Variants in FBXO40 observed in about 807,000 individuals in gnomAD.
FBXO40 encodes the protein F-box protein 40, also known as F-box only protein 40.
A neutral mutation model predicts 49.9 loss-of-function variants in FBXO40; 50 were observed. The ratio of observed to expected loss-of-function variants is 1.00; its 90% CI spans 0.80 to 1.27. The LOEUF is 1.27. FBXO40 is among the 50% of genes most tolerant of loss of function. FBXO40 has a pLI of 0.00. For missense variants in FBXO40, 895 were observed against 870.1 expected (o/e 1.03, Z -0.36); for synonymous variants, 340 against 320.2 (o/e 1.06, Z -0.66).
intron 1 of FBXO40, among the ~76,000 whole-genome samples, chr3:121,618,671 T>C (rs567589206): frequency 2.0e-5 from 3 of 152,012 alleles, no homozygotes; most frequent in African/African-American, 7.2e-5. Context: ...GTTGGGGTTA[T>C]AGGCTTGAGC....
intron 1 of FBXO40, among the ~76,000 whole-genome samples, chr3:121,613,018 C>T (rs1326484628): frequency 2.0e-5 from 3 of 149,562 alleles, no homozygotes; most frequent in Middle Eastern, 3.5e-3. Flanking sequence ...TTCAGTGAGC[C>T]GAGATCCAGC....
At chr3:121,615,065 T>A (rs1482525012) in intron 1 of FBXO40, among the ~76,000 whole-genome samples, 1 of 151,570 alleles carries the variant, frequency 6.6e-6, no homozygotes, top group African/African-American at 2.4e-5. Flanking sequence ...GTTTGCTGGG[T>A]GTGGTGGCAT....
chr3:121,607,443 G>A (rs368973808), intron 1 of FBXO40, among the ~76,000 whole-genome samples: 52 of 150,348 alleles, frequency 3.5e-4, no homozygotes, highest in Middle Eastern at 3.4e-3. Flanking sequence ...CCAAGTAGCT[G>A]AGACTACAGG....
chr3:121,626,548 G>C lies in FBXO40; in HGVS notation c.1915-147G>C, dbSNP rs546281519. On this transcript the variant is annotated intron_variant, in intron 3 of 3. Coordinates refer to ENST00000338040, the MANE Select transcript of FBXO40 (RefSeq NM_016298.4). Reference sequence around the variant, plus strand: ...ACTAGGAATTGGATGCTGGAGGAGGGGCTACCAAATGTCTGCAGGAGCCAC... The same window carrying C: ...ACTAGGAATTGGATGCTGGAGGAGGCGCTACCAAATGTCTGCAGGAGCCAC... 9.8e-6 allele frequency: 7 copies of C among 712,292 alleles called. No homozygotes were observed. In the South Asian group the frequency reaches 1.2e-4, roughly 12 times the overall value. 44.1% of individuals were successfully genotyped at this position (712,292 alleles called of 1,614,324 possible). A position where few individuals can be genotyped will look rare whatever the true frequency, so the allele number is the denominator to read the frequency against.
At chr3:121,600,953 T>C (rs1459509885) in intron 1 of FBXO40, among the ~76,000 whole-genome samples, 1 of 152,078 alleles carries the variant, frequency 6.6e-6, no homozygotes, top group Non-Finnish European at 1.5e-5. Context: ...GGAGAACAGG[T>C]CATCTTCTAT....
chr3:121,597,676 T>A (rs1019858858), intron 1 of FBXO40, among the ~76,000 whole-genome samples: 11 of 150,556 alleles, frequency 7.3e-5, no homozygotes, highest in Admixed American at 7.3e-4. Flanking sequence ...TTTTTTTTTT[T>A]TTTGAGACAG....
At position 121,621,684 on chromosome 3, in the gene FBXO40, G is replaced by A; in HGVS notation, c.255G>A (p.Leu85=). The A allele has an allele frequency of 6.2e-7, 1 of 1,614,200 alleles. No individual in the cohort carries two copies. The highest frequency in any genetic ancestry group is 8.5e-7 in the Non-Finnish European group (1 of 1,180,016). The change falls in exon 3 of 4, where the codon CTG becomes CTA. Residue 85 remains leucine (L), a synonymous_variant. Transcript: ENST00000338040. ...CCCGCCACAAACTGGCCAAGCACCTGCAGGTGTGCCCCGCCAGCGTGGTCT... is the reference window on the plus strand; with the variant it reads ...CCCGCCACAAACTGGCCAAGCACCTACAGGTGTGCCCCGCCAGCGTGGTCT... ...SMSRHKLAKH[L]QVCPASVVCC... is the part of the protein sequence containing the mutation.
intron 1 of FBXO40, among the ~76,000 whole-genome samples, chr3:121,613,460 C>T (rs1376511787): frequency 6.6e-6 from 1 of 152,174 alleles, no homozygotes; most frequent in Non-Finnish European, 1.5e-5. Context: ...CCTGACAAAA[C>T]TATTTCAGGG....
At chr3:121,602,244 T>G (rs1229902433) in intron 1 of FBXO40, among the ~76,000 whole-genome samples, 2 of 152,214 alleles carry the variant, frequency 1.3e-5, no homozygotes, top group Admixed American at 6.5e-5. Flanking sequence ...TTCTATTCTG[T>G]TTTTACTTTC....
chr3:121,620,543 T>C lies in FBXO40; in HGVS notation c.-30-3T>C, dbSNP rs1249447156. ...AATTATTTATATTCATATTTTCCCGTAGAGCTAAGAAGCAAGAAGAAATTG... is the reference window on the plus strand; with the variant it reads ...AATTATTTATATTCATATTTTCCCGCAGAGCTAAGAAGCAAGAAGAAATTG... On this transcript the variant is annotated splice_polypyrimidine_tract_variant and splice_region_variant and intron_variant, in intron 1 of 3. Transcript: ENST00000338040. 3 of 1,613,946 alleles carry C rather than the reference T, an allele frequency of 1.9e-6. No individual in the cohort carries two copies. In the South Asian group the frequency reaches 3.3e-5, roughly 18 times the overall value.
chr3:121,623,256 T>A lies in FBXO40; in HGVS notation c.1827T>A (p.Thr609=). 1 of 1,614,180 alleles carries A rather than the reference T, an allele frequency of 6.2e-7. No individual in the cohort carries two copies. The highest frequency in any genetic ancestry group is 8.5e-7 in the Non-Finnish European group (1 of 1,180,042). Residue 609 remains threonine, a synonymous_variant, in exon 3 of 4, where the codon ACT becomes ACA. Transcript: ENST00000338040. The stretch of plus-strand genomic sequence containing the variant: ...TGCTGATGAGGAATATCTGTGCCAC[T>A]TTGTTACAAGAGAGAGGAATGGTCC... ...VSVLMRNICA[T]LLQERGMVLL...
At position 121,628,246 on chromosome 3, in the gene FBXO40, G is replaced by C. The variant is rs566729664; in HGVS notation, c.*1336G>C. 1 of 198,646 alleles carries C rather than the reference G, an allele frequency of 5.0e-6. No individual in the cohort carries two copies. The highest frequency in any genetic ancestry group is 1.0e-5 in the Non-Finnish European group (1 of 99,500). The allele number at this position is 198,646 out of a possible 1,614,324, so 12.3% of individuals were successfully genotyped here. A position where few individuals can be genotyped will look rare whatever the true frequency, so the allele number is the denominator to read the frequency against. On this transcript the variant is annotated 3_prime_UTR_variant, in exon 4 of 4. Transcript: ENST00000338040. ...GGCTGGAGCGCAATGACATGATCTC[G>C]GCTCACCGCAACCTCCGCCTCCTGG...
rs2840143 is a variant in FBXO40 at position 121,627,027 on chromosome 3, G to C, written c.*117G>C. The stretch of plus-strand genomic sequence containing the variant: ...GTAAACTGCCTATTTGCTTATCGGG[G>C]TGTATTGGAACACGCAATGTCCTTC... On this transcript the variant is annotated 3_prime_UTR_variant, in exon 4 of 4. Coordinates refer to ENST00000338040, the MANE Select transcript of FBXO40 (RefSeq NM_016298.4). 0.25 allele frequency: 225,230 copies of C among 906,002 alleles called. 31,503 individuals are homozygous for C. The highest frequency in any genetic ancestry group is 0.5 in the Admixed American group (23,160 of 46,528). 56.1% of individuals were successfully genotyped at this position (906,002 alleles called of 1,614,324 possible). A position where few individuals can be genotyped will look rare whatever the true frequency, so the allele number is the denominator to read the frequency against.
intron 1 of FBXO40, among the ~76,000 whole-genome samples, 170 bp downstream of exon 1, chr3:121,593,672 G>A (rs568328157): frequency 2.4e-4 from 37 of 152,316 alleles, no homozygotes; most frequent in South Asian, 1.0e-3. Flanking sequence ...AGATCCAGCC[G>A]TGTGTAAATT....
At chr3:121,618,551 T>C (rs2108850015) in intron 1 of FBXO40, among the ~76,000 whole-genome samples, 1 of 100,852 alleles carries the variant, frequency 9.9e-6, no homozygotes, top group East Asian at 3.6e-4. Flanking sequence ...AGTGCCCGGT[T>C]AATTTTTTTT....
chr3:121,597,011 GT>G (rs1197519753), intron 1 of FBXO40, among the ~76,000 whole-genome samples: 9 of 152,218 alleles, frequency 5.9e-5, no homozygotes, highest in African/African-American at 2.2e-4. Context: ...ATCACCCTCT[GT>G]TGATATTCCG....
intron 1 of FBXO40, among the ~76,000 whole-genome samples, chr3:121,602,795 A>G (rs2048906782): frequency 6.6e-6 from 1 of 151,802 alleles, no homozygotes; most frequent in Non-Finnish European, 1.5e-5. Flanking sequence ...TTTTTTTCCA[A>G]AAGTGACCTG....
At chr3:121,605,647 C>T (rs1419658886) in intron 1 of FBXO40, among the ~76,000 whole-genome samples, 1 of 152,166 alleles carries the variant, frequency 6.6e-6, no homozygotes, top group Non-Finnish European at 1.5e-5. Context: ...GGATGTTTAT[C>T]TTTGGGTCTA....
At chr3:121,600,194 ATTTT>A (rs71133558) in intron 1 of FBXO40, among the ~76,000 whole-genome samples, 4 of 88,426 alleles carry the variant, frequency 4.5e-5, no homozygotes, top group African/African-American at 4.6e-5. Context: ...CACTTGGCTG[ATTTT>A]TTTTTTTTTT....
Sources: gnomAD v4.1 joint callset for allele counts (sites outside exome capture counted in the v4.1 genomes callset) on GRCh38, gnomAD v4.1.1 for gene constraint, MANE v1.5 for transcripts, NCBI Gene and HGNC (gene_info 2026-07-23, HGNC 2026-07-21) for gene names.